The following SNTB2 variants were observed in gnomAD, a reference collection of about 807,000 sequenced individuals.
SNTB2 encodes beta-2-syntrophin.
Under a neutral mutation model 46.2 loss-of-function variants are expected in SNTB2, and 34 were observed. The ratio of observed to expected loss-of-function variants is 0.74; its 90% CI spans 0.56 to 0.98. The LOEUF (loss-of-function observed/expected upper bound fraction) is 0.98. Among genes scored for constraint, SNTB2 ranks in the 50% least tolerant of loss-of-function variants. The pLI, the probability that SNTB2 is intolerant of heterozygous loss-of-function variation, is 0.00. For synonymous variants in SNTB2, 290 were observed against 312.6 expected, an observed-to-expected ratio of 0.93 and a Z score of 0.76; for missense variants, 603 against 731.4, an observed-to-expected ratio of 0.82 and a Z score of 2.02.
chr16:69,245,071 T>G (rs79716683), intron 1 of SNTB2, among the ~76,000 whole-genome samples: 1 of 152,164 alleles, frequency 6.6e-6, no homozygotes, highest in East Asian at 1.9e-4. Context: ...AGGGAACCAG[T>G]GGGTAGAAGT....
intron 1 of SNTB2, among the ~76,000 whole-genome samples, chr16:69,215,393 TA>T (rs1322918584): frequency 1.3e-5 from 2 of 151,962 alleles, no homozygotes; most frequent in African/African-American, 4.8e-5. Context: ...TCTCTAAAAA[TA>T]AAAAAAGAAA....
intron 2 of SNTB2, among the ~76,000 whole-genome samples, chr16:69,253,420 C>T (rs547203414): frequency 1.4e-4 from 21 of 151,626 alleles, no homozygotes; most frequent in Non-Finnish European, 2.6e-4. Context: ...GAGACCGAGG[C>T]GGGTGGATCA....
In SNTB2 at chr16:69,307,119, C is replaced by A. The variant is rs958645148; in HGVS notation, c.*6195C>A. 6.6e-6 allele frequency: 1 copy of A among 152,200 alleles called. No homozygotes were observed. Among genetic ancestry groups the A allele is most frequent in the Non-Finnish European group, 1.5e-5 (1 of 68,040 alleles). The allele number at this position is 152,200 out of a possible 1,614,324, so 9.4% of individuals were successfully genotyped here. A position where few individuals can be genotyped will look rare whatever the true frequency, so the allele number is the denominator to read the frequency against. On this transcript the variant is annotated 3_prime_UTR_variant, in exon 7 of 7. Transcript: ENST00000336278. ...TATTAATGTATAGTTCTACACCAGG[C>A]ATTCTGAAGGGTCCAAAAGAAAGTT...
intron 1 of SNTB2, among the ~76,000 whole-genome samples, chr16:69,213,781 A>G (rs1964315278): frequency 1.4e-5 from 2 of 146,904 alleles, no homozygotes; most frequent in African/African-American, 5.0e-5. Flanking sequence ...TACAGGTGTG[A>G]GCCACCGTGC....
At chr16:69,247,476 G>A (rs1369567978) in intron 2 of SNTB2, among the ~76,000 whole-genome samples, 2 of 152,128 alleles carry the variant, frequency 1.3e-5, no homozygotes, top group Non-Finnish European at 2.9e-5. Flanking sequence ...TTAATGCACA[G>A]CCAGGTCCCT....
intron 5 of SNTB2, among the ~76,000 whole-genome samples, chr16:69,295,336 G>A (rs946934288): frequency 7.5e-6 from 1 of 132,528 alleles, no homozygotes; most frequent in Admixed American, 9.6e-5. Context: ...TACAACCTCT[G>A]CCTCCCAGGT....
In SNTB2 at chr16:69,301,012, C is replaced by T. The variant is rs754002949; in HGVS notation, c.*88C>T. 3 of 825,188 alleles carry T rather than the reference C, an allele frequency of 3.6e-6. No individual in the cohort carries two copies. Among genetic ancestry groups the T allele is most frequent in the African/African-American group, 1.7e-5 (1 of 58,166 alleles). 51.1% of individuals were successfully genotyped at this position (825,188 alleles called of 1,614,324 possible). ...AAAGCACAAAAAGAAACTCTTTGCT[C>T]TCCTTCAGCACAGTGCCTTCCCAAG... On this transcript the variant is annotated 3_prime_UTR_variant, in exon 7 of 7. Transcript: ENST00000336278.
At chr16:69,241,332 G>A (rs1249790402) in intron 1 of SNTB2, among the ~76,000 whole-genome samples, 5 of 150,154 alleles carry the variant, frequency 3.3e-5, no homozygotes, top group African/African-American at 9.8e-5. Context: ...GCCTGCCACC[G>A]CACCCGGCAA....
intron 2 of SNTB2, among the ~76,000 whole-genome samples, chr16:69,250,676 C>A (rs1369335163): frequency 6.6e-6 from 1 of 152,038 alleles, no homozygotes; most frequent in Non-Finnish European, 1.5e-5. Flanking sequence ...ACGGGCAGAT[C>A]ACTTGAGGCT....
intron 1 of SNTB2, among the ~76,000 whole-genome samples, chr16:69,225,118 G>T (rs936893283): frequency 5.3e-5 from 8 of 152,222 alleles, no homozygotes; most frequent in South Asian, 2.1e-4. Context: ...AACAATGAAG[G>T]CCTGGCAGTA....
chr16:69,220,861 G>A (rs142643477), intron 1 of SNTB2, among the ~76,000 whole-genome samples: 16 of 152,028 alleles, frequency 1.1e-4, no homozygotes, highest in African/African-American at 3.9e-4. Context: ...GGGTATATAC[G>A]GTCTATAACT....
rs1234647273 is a variant in SNTB2 at position 69,234,469 on chromosome 16, G to A, written c.581-11133G>A. 2.0e-5 allele frequency among the ~76,000 whole-genome samples: 3 copies of A among 152,300 alleles called. No individual in the cohort carries two copies. The East Asian group carries it at 5.8e-4, about 29-fold the overall frequency. On this transcript the variant is annotated intron_variant, in intron 1 of 6. Coordinates refer to ENST00000336278, the MANE Select transcript of SNTB2 (RefSeq NM_006750.4). ...GTTTATATAACATGGAGAAATGTTT[G>A]TTCCTTTGTTAAGTGTGGGACTAAA...
At chr16:69,235,894 T>A (rs760887170) in intron 1 of SNTB2, 7 of 1,268,844 alleles carry the variant, frequency 5.5e-6, no homozygotes, top group Non-Finnish European at 7.2e-6. Context: ...GTGGATGCAG[T>A]CCCATTAGAT....
intron 1 of SNTB2, among the ~76,000 whole-genome samples, chr16:69,237,603 C>CTTTTTTTT (rs397706857): frequency 6.1e-4 from 72 of 118,712 alleles, no homozygotes; most frequent in Non-Finnish European, 8.3e-4. Flanking sequence ...TTCTTTCTTT[C>CTTTTTTTT]TTTTTTTTTT....
Position 69,187,696 on chromosome 16 carries a change from A to G in SNTB2, c.530A>G (p.Asp177Gly). The G allele has an allele frequency of 7.5e-7, 1 of 1,341,028 alleles. No homozygotes were observed. The highest frequency in any genetic ancestry group is 1.6e-5 in the African/African-American group (1 of 62,094). 83.1% of individuals were successfully genotyped at this position (1,341,028 alleles called of 1,614,324 possible). The change falls in exon 1 of 7, where the codon GAC becomes GGC. Residue 177 changes from aspartate to glycine, a missense_variant. Asp to Gly is a moderately conservative substitution (Grantham distance 94). Around this residue, in one of 2 missense-constraint regions of SNTB2, gnomAD observed 537 missense variants for 692.4 expected, o/e 0.78. Coordinates refer to ENST00000336278, the MANE Select transcript of SNTB2 (RefSeq NM_006750.4). ...NGTDLRQATH[D>G]QAVQALKRAG... ...ACCGACCTGCGCCAGGCCACCCACG[A>G]CCAGGCCGTGCAGGCGCTGAAGCGC...
At position 69,307,636 on chromosome 16, in the gene SNTB2, T is replaced by C. The variant is rs1209429980; in HGVS notation, c.*6712T>C. 1 of 152,116 alleles carries C rather than the reference T, an allele frequency of 6.6e-6. No homozygotes were observed. The highest frequency in any genetic ancestry group is 1.5e-5 in the Non-Finnish European group (1 of 68,032). The allele number at this position is 152,116 out of a possible 1,614,324, so 9.4% of individuals were successfully genotyped here. On this transcript the variant is annotated 3_prime_UTR_variant, in exon 7 of 7. Coordinates refer to ENST00000336278, the MANE Select transcript of SNTB2 (RefSeq NM_006750.4). ...ATTTCATCTGCTGAAAGTCCTTATA[T>C]ACATGGTAGACGGAATATTTCTCCA...
intron 2 of SNTB2, among the ~76,000 whole-genome samples, chr16:69,259,473 A>T (rs1567409112): frequency 6.6e-6 from 1 of 151,340 alleles, no homozygotes; most frequent in Non-Finnish European, 1.5e-5. Flanking sequence ...GACCTCAGGC[A>T]ATCTGCCCGC....
At chr16:69,255,959 G>A (rs1313403816) in intron 2 of SNTB2, among the ~76,000 whole-genome samples, 6 of 151,970 alleles carry the variant, frequency 3.9e-5, no homozygotes, top group African/African-American at 1.2e-4. Flanking sequence ...AAGCTGAGGC[G>A]GGCGGATCAT....
intron 2 of SNTB2, among the ~76,000 whole-genome samples, chr16:69,247,665 C>T (rs1045615791): frequency 4.6e-5 from 7 of 152,154 alleles, no homozygotes; most frequent in African/African-American, 1.7e-4. Flanking sequence ...AAGTAGGGTT[C>T]TGAGCAAGTC....
Sources: allele counts gnomAD v4.1 joint callset (sites outside exome capture counted in the v4.1 genomes callset), GRCh38; gene constraint gnomAD v4.1.1; regional missense constraint gnomAD v4.1.1; transcripts MANE v1.5; gene names NCBI Gene and HGNC (gene_info 2026-07-23, HGNC 2026-07-21).